ATP8A2: variants seen among roughly 807,000 people sequenced by gnomAD.
ATP8A2 encodes phospholipid-transporting ATPase IB.
In ATP8A2, 100 loss-of-function variants were observed where a neutral mutation model predicts 165.6. The ratio of observed to expected loss-of-function variants is 0.60; its 90% CI spans 0.51 to 0.71. The LOEUF is 0.71. Among genes scored for constraint, ATP8A2 ranks in the 30% least tolerant of loss-of-function variants. The probability of loss-of-function intolerance (pLI) is 0.00; values close to 1 mark genes in which losing one functional copy is unlikely to be tolerated. For missense variants in ATP8A2, 1,227 were observed against 1,479.5 expected (o/e 0.83, Z 2.80); for synonymous variants, 543 against 548.8 (o/e 0.99, Z 0.15).
chr13:25,487,157 A>C (rs1014464709), intron 2 of ATP8A2, among the ~76,000 whole-genome samples: 11 of 152,110 alleles, frequency 7.2e-5, no homozygotes, highest in African/African-American at 2.7e-4. Flanking sequence ...AATTTTGCGG[A>C]GTCTTTGCAG....
At chr13:25,475,935 T>C (rs577216006) in intron 2 of ATP8A2, among the ~76,000 whole-genome samples, 1 of 152,360 alleles carries the variant, frequency 6.6e-6, no homozygotes, top group African/African-American at 2.4e-5. Context: ...GTCAGATGCA[T>C]AGTTTGCATA....
intron 24 of ATP8A2, among the ~76,000 whole-genome samples, chr13:25,639,492 G>A (rs4619253): frequency 0.99 from 150,679 of 152,316 alleles, 74,543 homozygotes; most frequent in East Asian, 1. Flanking sequence ...AATGAAGATC[G>A]AAAGAGACAA....
chr13:26,018,048 C>T (rs1957021644), intron 36 of ATP8A2, among the ~76,000 whole-genome samples: 1 of 152,216 alleles, frequency 6.6e-6, no homozygotes, highest in African/African-American at 2.4e-5. Context: ...ACCTTCTCTC[C>T]CGCCCACTGT....
At chr13:25,569,501 C>T (rs1593552835) in intron 16 of ATP8A2, among the ~76,000 whole-genome samples, 2 of 152,138 alleles carry the variant, frequency 1.3e-5, no homozygotes, top group East Asian at 3.9e-4. Flanking sequence ...AGCCAGTTGC[C>T]TATTTAAAAG....
At chr13:25,396,006 G>C (rs1363704755) in intron 1 of ATP8A2, among the ~76,000 whole-genome samples, 2 of 152,150 alleles carry the variant, frequency 1.3e-5, no homozygotes, top group Admixed American at 1.3e-4. Flanking sequence ...ACCATGCCCA[G>C]CTAATTTTTT....
chr13:25,749,368 C>T (rs1242983181), intron 25 of ATP8A2, among the ~76,000 whole-genome samples: 1 of 152,000 alleles, frequency 6.6e-6, no homozygotes, highest in African/African-American at 2.4e-5. Context: ...ATCAGAGGAC[C>T]CCGCCAGGAA....
intron 27 of ATP8A2, among the ~76,000 whole-genome samples, chr13:25,778,289 A>G (rs2044787887): frequency 1.3e-5 from 2 of 152,200 alleles, no homozygotes; most frequent in Non-Finnish European, 2.9e-5. Context: ...ATGCTTACGT[A>G]TTTTTATTTA....
chr13:25,574,393 A>T (rs927940835), intron 18 of ATP8A2, among the ~76,000 whole-genome samples: 1 of 152,246 alleles, frequency 6.6e-6, no homozygotes, highest in Non-Finnish European at 1.5e-5. Flanking sequence ...TGATATGCAT[A>T]CATTTTGCTG....
chr13:25,892,630 C>G (rs540426828), intron 33 of ATP8A2, among the ~76,000 whole-genome samples: 5 of 151,978 alleles, frequency 3.3e-5, no homozygotes, highest in Admixed American at 6.6e-5. Context: ...CTTTCTTCCA[C>G]CTGTGTCATG....
At chr13:25,936,570 G>A (rs1433421092) in intron 33 of ATP8A2, among the ~76,000 whole-genome samples, 5 of 152,244 alleles carry the variant, frequency 3.3e-5, no homozygotes, top group African/African-American at 1.2e-4. Flanking sequence ...AATCCCACAA[G>A]TTTTCATCTG....
chr13:25,401,751 C>A lies in ATP8A2; in HGVS notation c.76+29463C>A, dbSNP rs552025331. On this transcript the variant is annotated intron_variant, in intron 1 of 36. Transcript: ENST00000381655. ...TATGCTTCTTCCTGCACATACATACCTATGATAAAGTTTAATTTATAAATT... is the reference window on the plus strand; with the variant it reads ...TATGCTTCTTCCTGCACATACATACATATGATAAAGTTTAATTTATAAATT... Among the ~76,000 whole-genome samples, 7 of 152,192 alleles carry A rather than the reference C, an allele frequency of 4.6e-5. No homozygotes were observed. In the South Asian group the frequency reaches 1.2e-3, roughly 27 times the overall value.
intron 33 of ATP8A2, among the ~76,000 whole-genome samples, chr13:25,928,237 G>T (rs564295262): frequency 2.8e-4 from 43 of 152,292 alleles, no homozygotes; most frequent in African/African-American, 9.6e-4. Context: ...CAGCAGACAT[G>T]AATATTTAAA....
At chr13:25,671,293 T>C (rs954541450) in intron 24 of ATP8A2, among the ~76,000 whole-genome samples, 4 of 152,120 alleles carry the variant, frequency 2.6e-5, no homozygotes, top group African/African-American at 9.7e-5. Context: ...CTGTAATAAT[T>C]GCATTAACTG....
Position 25,892,435 on chromosome 13 carries a change from G to A in ATP8A2, c.3183+30027G>A, listed in dbSNP as rs538432257. On this transcript the variant is annotated intron_variant, in intron 33 of 36. Transcript: ENST00000381655. ...TGTGAAAAATAAGTTAAAAGGCAAT[G>A]GAAACAACAAATGGAAACATTTCTC... Among the ~76,000 whole-genome samples, 116 of 139,944 alleles carry A rather than the reference G, an allele frequency of 8.3e-4. 5 individuals are homozygous for A. In the South Asian group the frequency reaches 0.024, roughly 29 times the overall value. The allele number at this position is 139,944 out of a possible 152,430, so 91.8% of individuals were successfully genotyped here.
intron 25 of ATP8A2, among the ~76,000 whole-genome samples, chr13:25,762,280 A>AAAAAAAC (rs1409305063): frequency 3.4e-5 from 5 of 145,846 alleles, no homozygotes; most frequent in Non-Finnish European, 7.5e-5. Flanking sequence ...AAAAAAAAAA[A>AAAAAAAC]AAAAAAAAAA....
intron 31 of ATP8A2, among the ~76,000 whole-genome samples, chr13:25,860,511 C>T (rs1284369488): frequency 6.6e-6 from 1 of 152,134 alleles, no homozygotes; most frequent in Admixed American, 6.5e-5. Flanking sequence ...TTTACACCTA[C>T]CTGCAAAGGA....
At chr13:25,861,255 A>G (rs1032839570) in intron 32 of ATP8A2, among the ~76,000 whole-genome samples, 1 of 152,100 alleles carries the variant, frequency 6.6e-6, no homozygotes, top group Admixed American at 6.6e-5. Flanking sequence ...CTATGTCTGC[A>G]TGTGTGTGTA....
At chr13:25,462,784 A>G (rs1380460193) in intron 1 of ATP8A2, among the ~76,000 whole-genome samples, 1 of 152,008 alleles carries the variant, frequency 6.6e-6, no homozygotes, top group Non-Finnish European at 1.5e-5. Flanking sequence ...ATGAGTCATC[A>G]TCTTAGCAGG....
intron 20 of ATP8A2, among the ~76,000 whole-genome samples, chr13:25,578,454 G>A (rs918225158): frequency 3.3e-5 from 5 of 152,156 alleles, no homozygotes; most frequent in African/African-American, 4.8e-5. Flanking sequence ...TGAGTAATTT[G>A]GGATGTGCAT....
Sources: allele counts gnomAD v4.1 joint callset (sites outside exome capture counted in the v4.1 genomes callset), GRCh38; gene constraint gnomAD v4.1.1; transcripts MANE v1.5; gene names NCBI Gene and HGNC (gene_info 2026-07-23, HGNC 2026-07-21).